The following SNAP25 variants were observed in gnomAD, a reference collection of about 807,000 sequenced individuals.
SNAP25 encodes synaptosome associated protein 25, also known as synaptosomal-associated protein 25.
In SNAP25, 3 loss-of-function variants were observed where a neutral mutation model predicts 28.7. The ratio of observed to expected loss-of-function variants is 0.10; its 90% CI spans 0.05 to 0.27. SNAP25 has a LOEUF of 0.27. SNAP25 is among the 10% of genes least tolerant of loss of function. The pLI, the probability that SNAP25 is intolerant of heterozygous loss-of-function variation, is 1.00. For missense variants in SNAP25, 117 were observed against 278.7 expected (o/e 0.42, Z 4.13); for synonymous variants, 61 against 88.1 (o/e 0.69, Z 1.72).
chr20:10,278,399 G>A (rs1195504804), intron 3 of SNAP25, among the ~76,000 whole-genome samples: 1 of 152,122 alleles, frequency 6.6e-6, no homozygotes, highest in Non-Finnish European at 1.5e-5. Context: ...AATCAAAAGG[G>A]CACTTGCAAT....
At chr20:10,236,959 C>CATAAATAAATAA (rs3063167) in intron 1 of SNAP25, among the ~76,000 whole-genome samples, 1,764 of 146,580 alleles carry the variant, frequency 0.012, 17 homozygotes, top group Non-Finnish European at 0.017. Context: ...AAGGAAAATA[C>CATAAATAAATAA]ATAAATAAAT....
At chr20:10,300,961 G>A (rs2064221984) in intron 7 of SNAP25, among the ~76,000 whole-genome samples, 1 of 152,024 alleles carries the variant, frequency 6.6e-6, no homozygotes, top group Non-Finnish European at 1.5e-5. Context: ...TTGCTGAGCT[G>A]CCCTCCAACA....
chr20:10,241,345 C>T (rs1457789538), intron 1 of SNAP25, among the ~76,000 whole-genome samples: 1 of 152,072 alleles, frequency 6.6e-6, no homozygotes, highest in Non-Finnish European at 1.5e-5. Context: ...CAGTTGCAGC[C>T]CCCGGGTCCA....
intron 1 of SNAP25, among the ~76,000 whole-genome samples, chr20:10,223,686 C>G (rs554828502): frequency 1.3e-5 from 2 of 152,066 alleles, no homozygotes; most frequent in African/African-American, 4.8e-5. Context: ...AAAAGTCTTA[C>G]AAGAGGAAAA....
intron 1 of SNAP25, among the ~76,000 whole-genome samples, chr20:10,260,209 G>A (rs770940620): frequency 6.6e-6 from 1 of 152,092 alleles, no homozygotes; most frequent in Non-Finnish European, 1.5e-5. Flanking sequence ...GGTGAAGTTC[G>A]TAGGTCTCCT....
chr20:10,253,109 A>T (rs532402025), intron 1 of SNAP25, among the ~76,000 whole-genome samples: 1 of 152,346 alleles, frequency 6.6e-6, no homozygotes, highest in Admixed American at 6.5e-5. Flanking sequence ...AGACGATGAG[A>T]CAAAAAATAT....
chr20:10,277,802 T>G (rs2123020153), intron 3 of SNAP25, 76 bp downstream of exon 3: 1 of 1,359,464 alleles, frequency 7.4e-7, no homozygotes, highest in East Asian at 2.3e-5. Context: ...TGCTATGATG[T>G]TTCCTTGGGC....
chr20:10,305,204 T>C (rs755320520), intron 7 of SNAP25, among the ~76,000 whole-genome samples: 77 of 152,226 alleles, frequency 5.1e-4, no homozygotes, highest in Non-Finnish European at 9.8e-4. Context: ...CAAGTTTGTC[T>C]TAATTGTTGC....
chr20:10,221,875 G>A (rs914163746), intron 1 of SNAP25, among the ~76,000 whole-genome samples: 1 of 152,210 alleles, frequency 6.6e-6, no homozygotes, highest in Non-Finnish European at 1.5e-5. Context: ...TAGTAGAAAC[G>A]AGAAAAATAA....
chr20:10,225,791 C>G (rs1281864322), intron 1 of SNAP25, among the ~76,000 whole-genome samples: 6 of 152,162 alleles, frequency 3.9e-5, no homozygotes, highest in Admixed American at 3.9e-4. Flanking sequence ...TTCCTTTATT[C>G]AAATGACACT....
chr20:10,233,155 T>C (rs901461059), intron 1 of SNAP25, among the ~76,000 whole-genome samples: 1 of 152,146 alleles, frequency 6.6e-6, no homozygotes, highest in Admixed American at 6.6e-5. Flanking sequence ...CTCTGGCTCA[T>C]TTTGCCTCCT....
intron 5 of SNAP25, 80 bp from the exon 6 acceptor site, chr20:10,296,828 ATTCGCTTGGTTCGATTC>A: frequency 6.3e-7 from 1 of 1,575,792 alleles, no homozygotes; most frequent in Non-Finnish European, 8.6e-7. Context: ...CTTAAAACTC[ATTCGCTTGGTTCGATTC>A]TTCGCTTGAA....
In SNAP25 at chr20:10,265,374, A is replaced by T. The variant is rs148156449; in HGVS notation, c.-63-10055A>T. 4.9e-4 allele frequency among the ~76,000 whole-genome samples: 74 copies of T among 152,264 alleles called. No homozygotes were observed. In the East Asian group the frequency reaches 0.012, roughly 25 times the overall value. On this transcript the variant is annotated intron_variant, in intron 1 of 7. Transcript: ENST00000254976. ...GCTCTGGTCCTTAGTTTGCCTTAAAACATAAGCTTTAATTATTTGCAGAGG... is the reference window on the plus strand; with the variant it reads ...GCTCTGGTCCTTAGTTTGCCTTAAATCATAAGCTTTAATTATTTGCAGAGG...
intron 1 of SNAP25, among the ~76,000 whole-genome samples, chr20:10,239,998 TG>T (rs1420928782): frequency 6.6e-6 from 1 of 152,234 alleles, no homozygotes; most frequent in Non-Finnish European, 1.5e-5. Flanking sequence ...TCGCAGTTTT[TG>T]GGAATCACGA....
chr20:10,266,091 G>A (rs1418466512), intron 1 of SNAP25, among the ~76,000 whole-genome samples: 1 of 152,110 alleles, frequency 6.6e-6, no homozygotes, highest in Non-Finnish European at 1.5e-5. Flanking sequence ...ACAGTTGTGC[G>A]GCATAGAATG....
At chr20:10,273,613 A>G (rs1042867688) in intron 1 of SNAP25, among the ~76,000 whole-genome samples, 3 of 152,190 alleles carry the variant, frequency 2.0e-5, no homozygotes, top group Non-Finnish European at 2.9e-5. Flanking sequence ...CTGCTTCTGA[A>G]CTGCCTTAGA....
chr20:10,301,785 A>C (rs549720363), intron 7 of SNAP25, among the ~76,000 whole-genome samples: 3 of 150,680 alleles, frequency 2.0e-5, no homozygotes, highest in Non-Finnish European at 4.4e-5. Flanking sequence ...AAATTACTTT[A>C]TTTAAAAATC....
rs1387607076 is a variant in SNAP25 at position 10,293,306 on chromosome 20, T to C, written c.281+28T>C. On this transcript the variant is annotated intron_variant, in intron 5 of 7. Coordinates refer to ENST00000254976, the MANE Select transcript of SNAP25 (RefSeq NM_130811.4). This position sits in a 1 kb window ranked among gnomAD's most constrained non-coding sequence, Gnocchi z 5.6. ...AGGTGCTGCCTGCCTGCCTGAAGCT[T>C]TGATTTCCCAAGGCCCATCTCCAAG... 2 of 1,568,898 alleles carry C rather than the reference T, an allele frequency of 1.3e-6. No individual in the cohort carries two copies. The highest frequency in any genetic ancestry group is 2.7e-5 in the African/African-American group (2 of 73,978).
intron 1 of SNAP25, 199 bp downstream of exon 1, chr20:10,219,176 G>C: frequency 6.6e-6 from 1 of 152,352 alleles, no homozygotes; most frequent in African/African-American, 2.4e-5. Context: ...AGGGAAACGG[G>C]AGCCCTGCAA....
Sources: gnomAD v4.1 joint callset for allele counts (sites outside exome capture counted in the v4.1 genomes callset) on GRCh38, gnomAD v4.1.1 for gene constraint, Gnocchi (gnomAD v3.1) non-coding constraint, MANE v1.5 for transcripts, NCBI Gene and HGNC (gene_info 2026-07-23, HGNC 2026-07-21) for gene names.